ATOSA: variants seen among roughly 807,000 people sequenced by gnomAD.
ATOSA encodes the protein atos homolog protein A.
the ATOSA span, among the ~76,000 whole-genome samples, chr15:52,676,326 T>C: frequency 6.6e-6 from 1 of 152,206 alleles, no homozygotes; most frequent in East Asian, 1.9e-4. Flanking sequence ...TTGCAGGTCA[T>C]CATGACCCAT....
At chr15:52,687,308 G>A in the ATOSA span, among the ~76,000 whole-genome samples, 5 of 152,358 alleles carry the variant, frequency 3.3e-5, no homozygotes, top group East Asian at 9.6e-4. Flanking sequence ...CGGAGGCTGA[G>A]GCAGGAAAAT....
At chr15:52,583,767 G>A in the ATOSA span, among the ~76,000 whole-genome samples, 89 of 152,300 alleles carry the variant, frequency 5.8e-4, no homozygotes, top group Non-Finnish European at 1.1e-3. Context: ...CATTTCCCAT[G>A]TGGCTTACAT....
chr15:52,659,691 C>T, the ATOSA span, among the ~76,000 whole-genome samples: 6,313 of 151,938 alleles, frequency 0.042, 189 homozygotes, highest in Non-Finnish European at 0.061. Flanking sequence ...AATGAAATAC[C>T]AGTTAATGAA....
At chr15:52,595,091 T>G in the ATOSA span, among the ~76,000 whole-genome samples, 1 of 152,246 alleles carries the variant, frequency 6.6e-6, no homozygotes, top group Non-Finnish European at 1.5e-5. Flanking sequence ...TGAACAAATT[T>G]ACCTGGCAAA....
At chr15:52,686,834 G>A in the ATOSA span, among the ~76,000 whole-genome samples, 4 of 152,212 alleles carry the variant, frequency 2.6e-5, no homozygotes, top group Non-Finnish European at 5.9e-5. Context: ...GCTCTACTGT[G>A]CCTGGCTCTG....
the ATOSA span, among the ~76,000 whole-genome samples, chr15:52,621,122 A>C: frequency 3.9e-5 from 6 of 152,206 alleles, no homozygotes; most frequent in Non-Finnish European, 8.8e-5. Context: ...CATCAACCTA[A>C]ATATTCAACA....
chr15:52,595,677 T>A, the ATOSA span, among the ~76,000 whole-genome samples: 1 of 152,198 alleles, frequency 6.6e-6, no homozygotes, highest in African/African-American at 2.4e-5. Flanking sequence ...TTGAGCAAGA[T>A]CACTGGCGAT....
the ATOSA span, among the ~76,000 whole-genome samples, chr15:52,651,217 T>A: frequency 6.6e-6 from 1 of 152,198 alleles, no homozygotes; most frequent in African/African-American, 2.4e-5. Context: ...CCTTCAGTTT[T>A]CTATATGGAT....
At chr15:52,693,772 G>A in the ATOSA span, among the ~76,000 whole-genome samples, 10 of 152,180 alleles carry the variant, frequency 6.6e-5, no homozygotes, top group Admixed American at 2.6e-4. Context: ...AAAAGTTTAT[G>A]TGGAATACTA....
the ATOSA span, among the ~76,000 whole-genome samples, chr15:52,604,501 G>A: frequency 6.6e-6 from 1 of 152,164 alleles, no homozygotes; most frequent in African/African-American, 2.4e-5. Context: ...TTTACTGCTT[G>A]CCTCAAGTTT....
the ATOSA span, chr15:52,678,246 G>A: frequency 9.8e-6 from 6 of 614,392 alleles, no homozygotes; most frequent in African/African-American, 7.4e-5. Flanking sequence ...CGGCTGGTCT[G>A]AAAAAAGCAA....
chr15:52,636,995 G>T, the ATOSA span, among the ~76,000 whole-genome samples: 5 of 152,170 alleles, frequency 3.3e-5, no homozygotes, highest in Admixed American at 1.3e-4. Flanking sequence ...CACTCAGTTG[G>T]AGAAATGGTA....
At chr15:52,620,948 A>C in the ATOSA span, among the ~76,000 whole-genome samples, 2 of 152,228 alleles carry the variant, frequency 1.3e-5, no homozygotes, top group South Asian at 4.1e-4. Flanking sequence ...AAAAAATAAA[A>C]TAAAAATAAA....
the ATOSA span, among the ~76,000 whole-genome samples, chr15:52,583,023 T>C: frequency 4.6e-5 from 7 of 152,232 alleles, no homozygotes; most frequent in African/African-American, 1.7e-4. Context: ...TCTGGGTTTG[T>C]GGATTTTACT....
chr15:52,640,630 T>C, the ATOSA span, among the ~76,000 whole-genome samples: 2 of 53,562 alleles, frequency 3.7e-5, no homozygotes, highest in African/African-American at 1.2e-4. Flanking sequence ...ATTTAAAATG[T>C]AGACTACGTA....
the ATOSA span, among the ~76,000 whole-genome samples, chr15:52,634,037 TA>T: frequency 6.6e-6 from 1 of 151,774 alleles, no homozygotes; most frequent in African/African-American, 2.4e-5. Context: ...CACCCTAAAG[TA>T]ACTAGTAGTA....
the ATOSA span, among the ~76,000 whole-genome samples, chr15:52,692,689 C>T: frequency 6.6e-6 from 1 of 151,712 alleles, no homozygotes; most frequent in African/African-American, 2.4e-5. Context: ...GAGATGGGGT[C>T]TCACTCTGTT....
At chr15:52,649,829 T>C in the ATOSA span, 6 of 152,294 alleles carry the variant, frequency 3.9e-5, no homozygotes, top group Middle Eastern at 3.4e-3. Context: ...CTCCAGTATA[T>C]AAAACATTTT....
chr15:52,609,515 G>C, the ATOSA span: 4 of 1,613,156 alleles, frequency 2.5e-6, no homozygotes, highest in South Asian at 4.4e-5. Context: ...TCTCCAACAG[G>C]CATATGAGAA....
Sources: allele counts gnomAD v4.1 joint callset (sites outside exome capture counted in the v4.1 genomes callset), GRCh38; gene constraint gnomAD v4.1.1; transcripts MANE v1.5; gene names NCBI Gene and HGNC (gene_info 2026-07-23, HGNC 2026-07-21).